The following EBF3 variants were observed in gnomAD, a reference collection of about 807,000 sequenced individuals.
The protein encoded by EBF3 is transcription factor COE3.
Under a neutral mutation model 77.1 loss-of-function variants are expected in EBF3, and 18 were observed. The observed-to-expected ratio is 0.23, with a 90% CI of 0.16 to 0.35. The LOEUF (loss-of-function observed/expected upper bound fraction) is 0.35, where lower values mean the gene tolerates loss of function less well. Among genes scored for constraint, EBF3 ranks in the 10% least tolerant of loss-of-function variants. EBF3 has a pLI of 1.00. For synonymous variants in EBF3, 350 were observed against 343.5 expected, an observed-to-expected ratio of 1.02 and a Z score of -0.21; for missense variants, 558 against 860.0, an observed-to-expected ratio of 0.65 and a Z score of 4.39.
chr10:129,938,931 C>T lies in EBF3; in HGVS notation c.554+18327G>A, dbSNP rs1857541605. On this transcript the variant is annotated intron_variant, in intron 6 of 16. Coordinates refer to ENST00000440978, the MANE Select transcript of EBF3 (RefSeq NM_001375380.1). The surrounding 1 kb of genome is among the most constrained non-coding windows in gnomAD (Gnocchi z 5.1). Reference sequence around the variant, plus strand: ...AGTTGGCATCTGATGACTCAATTATCCCAACTCCATCCTTTAAACAGCTCC... The same window carrying T: ...AGTTGGCATCTGATGACTCAATTATTCCAACTCCATCCTTTAAACAGCTCC... Among the ~76,000 whole-genome samples the T allele has an allele frequency of 6.6e-6, 1 of 152,240 alleles. No individual in the cohort carries two copies. The highest frequency in any genetic ancestry group is 2.4e-5 in the African/African-American group (1 of 41,466).
intron 6 of EBF3, among the ~76,000 whole-genome samples, chr10:129,895,411 C>T (rs578256569): frequency 1.3e-4 from 20 of 152,352 alleles, no homozygotes; most frequent in South Asian, 8.3e-4. Context: ...GTACCAAGAG[C>T]GGGCTCTGGA....
intron 6 of EBF3, among the ~76,000 whole-genome samples, chr10:129,915,476 A>ATG (rs1294811244): frequency 8.6e-6 from 1 of 116,284 alleles, no homozygotes; most frequent in African/African-American, 3.6e-5. Context: ...ACACACACAC[A>ATG]CACACACACA....
Position 129,937,426 on chromosome 10 carries a change from G to A in EBF3, c.554+19832C>T, listed in dbSNP as rs1157988993. On this transcript the variant is annotated intron_variant, in intron 6 of 16. Coordinates refer to ENST00000440978, the MANE Select transcript of EBF3 (RefSeq NM_001375380.1). The stretch of plus-strand genomic sequence containing the variant: ...GGACCTCAGGTGGGAAAGGCTAGTG[G>A]TGACAGCAAGAAAAAGGAGCAGGCT... 2.0e-5 allele frequency among the ~76,000 whole-genome samples: 3 copies of A among 152,130 alleles called. No individual in the cohort carries two copies. The East Asian group carries it at 5.8e-4, about 29-fold the overall frequency.
intron 10 of EBF3, among the ~76,000 whole-genome samples, chr10:129,862,295 C>T (rs773225950): frequency 6.6e-6 from 1 of 152,064 alleles, no homozygotes; most frequent in African/African-American, 2.4e-5. Context: ...CTTTTATGTT[C>T]CCATCTAGTA....
chr10:129,931,910 T>TA (rs1470438218), intron 6 of EBF3, among the ~76,000 whole-genome samples: 2 of 152,052 alleles, frequency 1.3e-5, no homozygotes, highest in Non-Finnish European at 1.5e-5. Context: ...AATGTCTCCA[T>TA]ACACACTCCT....
rs1217028943 is a variant in EBF3 at position 129,943,940 on chromosome 10, C to T, written c.554+13318G>A. Among the ~76,000 whole-genome samples, 1 of 152,202 alleles carries T rather than the reference C, an allele frequency of 6.6e-6. No individual in the cohort carries two copies. Among genetic ancestry groups the T allele is most frequent in the East Asian group, 1.9e-4 (1 of 5,184 alleles). ...GGTAAAACCAGTCGCTCTGAGGGTG[C>T]AGCGCGTGTGTCCATGGGTAAAATA... On this transcript the variant is annotated intron_variant, in intron 6 of 16. Transcript: ENST00000440978. This position sits in a 1 kb window ranked among gnomAD's most constrained non-coding sequence, Gnocchi z 8.8.
intron 6 of EBF3, among the ~76,000 whole-genome samples, chr10:129,917,837 T>G (rs748948421): frequency 1.3e-5 from 2 of 152,112 alleles, no homozygotes; most frequent in Non-Finnish European, 2.9e-5. Flanking sequence ...CCCTCTAGCC[T>G]CAAGCTCCTC....
chr10:129,864,544 T>A lies in EBF3; in HGVS notation c.1039+2597A>T, dbSNP rs1851861791. The stretch of plus-strand genomic sequence containing the variant: ...AGACTTCCCCACCAAAAAGCCCACA[T>A]ATGCAAAGATCTGAACTCATGAAAG... On this transcript the variant is annotated intron_variant, in intron 10 of 16. Transcript: ENST00000440978. The surrounding 1 kb of genome is among the most constrained non-coding windows in gnomAD (Gnocchi z 4.4). 6.6e-6 allele frequency among the ~76,000 whole-genome samples: 1 copy of A among 152,172 alleles called. No homozygotes were observed. The highest frequency in any genetic ancestry group is 6.5e-5 in the Admixed American group (1 of 15,276).
chr10:129,894,500 G>A (rs1286107787), intron 6 of EBF3, among the ~76,000 whole-genome samples: 5 of 152,146 alleles, frequency 3.3e-5, no homozygotes, highest in Admixed American at 2.6e-4. Context: ...TGCAGGGCTC[G>A]GTGACCTATG....
At chr10:129,840,188 C>T (rs139130770) in intron 15 of EBF3, 57 bp downstream of exon 15, 18,589 of 1,462,028 alleles carry the variant, frequency 0.013, 169 homozygotes, top group Non-Finnish European at 0.016. Flanking sequence ...ACCCCCACTC[C>T]CATCCCCACC....
In EBF3 at chr10:129,842,117, T is replaced by C. The variant is rs748875505; in HGVS notation, c.1371A>G (p.Gln457=). 1.2e-6 allele frequency: 2 copies of C among 1,614,182 alleles called. No homozygotes were observed. The highest frequency in any genetic ancestry group is 1.3e-5 in the African/African-American group (1 of 75,038). The change falls in exon 13 of 17, where the codon CAA becomes CAG. Residue 457 remains glutamine, a splice_region_variant and synonymous_variant. Transcript: ENST00000440978. The surrounding 1 kb of genome is among the most constrained non-coding windows in gnomAD (Gnocchi z 4.4). Reference sequence around the variant, plus strand: ...GGTCCTCCCAGCATGCTGGCATACCTTGGTCGTTGGCTTGTGACGTCTCTG... The same window carrying C: ...GGTCCTCCCAGCATGCTGGCATACCCTGGTCGTTGGCTTGTGACGTCTCTG... ...NVSETSQAND[Q]VGYSRNTSSV...
At chr10:129,867,400 C>A in intron 9 of EBF3, 133 bp from the exon 10 acceptor site, 1 of 1,386,644 alleles carries the variant, frequency 7.2e-7, no homozygotes, top group Non-Finnish European at 9.7e-7. Context: ...CTAGCTGTCA[C>A]CCAGAGTCCC....
chr10:129,924,448 A>AC (rs1393180956), intron 6 of EBF3, among the ~76,000 whole-genome samples: 1 of 151,454 alleles, frequency 6.6e-6, no homozygotes, highest in African/African-American at 2.4e-5. Context: ...AAAAAAAACA[A>AC]AAAACAAAAA....
At chr10:129,850,686 C>A (rs1349053746) in intron 10 of EBF3, among the ~76,000 whole-genome samples, 2 of 152,198 alleles carry the variant, frequency 1.3e-5, no homozygotes, top group East Asian at 3.9e-4. Context: ...TTTTAAATTG[C>A]AGGAGGAATG....
chr10:129,839,058 G>A (rs1849820001), intron 16 of EBF3, 25 bp downstream of exon 16: 1 of 1,304,246 alleles, frequency 7.7e-7, no homozygotes, highest in Non-Finnish European at 1.0e-6. Flanking sequence ...ATGTTGTGAA[G>A]ACAATGATTT....
intron 6 of EBF3, among the ~76,000 whole-genome samples, chr10:129,913,176 G>T (rs1855641310): frequency 6.6e-6 from 1 of 152,250 alleles, no homozygotes; most frequent in East Asian, 1.9e-4. Flanking sequence ...GGCCTTGTTA[G>T]GGTCCGTCTC....
intron 6 of EBF3, among the ~76,000 whole-genome samples, chr10:129,916,337 G>T (rs1032372886): frequency 1.3e-5 from 2 of 152,208 alleles, no homozygotes; most frequent in African/African-American, 4.8e-5. Flanking sequence ...TTCAAAATGG[G>T]AATGACAGTC....
intron 6 of EBF3, among the ~76,000 whole-genome samples, chr10:129,891,694 G>T (rs886316631): frequency 2.0e-5 from 3 of 152,130 alleles, no homozygotes; most frequent in African/African-American, 7.2e-5. Context: ...TGGATCCGTG[G>T]CCCGGTGGTC....
At chr10:129,862,402 T>C (rs1191102134) in intron 10 of EBF3, among the ~76,000 whole-genome samples, 1 of 152,166 alleles carries the variant, frequency 6.6e-6, no homozygotes, top group East Asian at 1.9e-4. Context: ...CAATATCTTG[T>C]TTAGTAACTG....
Sources: allele counts gnomAD v4.1 joint callset (sites outside exome capture counted in the v4.1 genomes callset), GRCh38; gene constraint gnomAD v4.1.1; non-coding constraint Gnocchi (gnomAD v3.1); transcripts MANE v1.5; gene names NCBI Gene and HGNC (gene_info 2026-07-23, HGNC 2026-07-21).